Variants in C8orf34 observed in about 807,000 individuals in gnomAD.
The protein encoded by C8orf34 is uncharacterized protein C8orf34.
C8orf34 carries 65 observed loss-of-function variants against 68.3 expected under a neutral mutation model. That is an observed-to-expected ratio of 0.95 (90% CI 0.78 to 1.17). The LOEUF is 1.17. Ranked by LOEUF, C8orf34 falls within the 50% of genes most tolerant of loss-of-function variation. The pLI, the probability that C8orf34 is intolerant of heterozygous loss-of-function variation, is 0.00. For synonymous variants in C8orf34, 244 were observed against 241.2 expected, an observed-to-expected ratio of 1.01 and a Z score of -0.11; for missense variants, 664 against 655.4, an observed-to-expected ratio of 1.01 and a Z score of -0.14.
At position 68,580,574 on chromosome 8, in the gene C8orf34, G is replaced by A. The variant is rs116881037; in HGVS notation, c.1105+47425G>A. ...GTGTTCTAGCTGTAACAAGTAGATT[G>A]CAGTAGAGGACGGAGGTCATAAGAC... On this transcript the variant is annotated intron_variant, in intron 7 of 13. Coordinates refer to ENST00000518698, the MANE Select transcript of C8orf34 (RefSeq NM_052958.4). Among the ~76,000 whole-genome samples, 565 of 152,228 alleles carry A rather than the reference G, an allele frequency of 3.7e-3. 23 individuals carry two copies. In the East Asian group the frequency reaches 0.074, roughly 20 times the overall value.
At chr8:68,582,569 G>C (rs1267320422) in intron 7 of C8orf34, among the ~76,000 whole-genome samples, 1 of 152,060 alleles carries the variant, frequency 6.6e-6, no homozygotes, top group Non-Finnish European at 1.5e-5. Context: ...TGAGGGGTGA[G>C]AGGCAGAAAG....
chr8:68,366,907 T>C, intron 1 of C8orf34, among the ~76,000 whole-genome samples: 1 of 112,106 alleles, frequency 8.9e-6, no homozygotes, highest in African/African-American at 3.6e-5. Flanking sequence ...TGGGATCTAA[T>C]TAAACTAAAG....
At chr8:68,682,139 T>TACTGTAGTACTGCTGTAG (rs1435880786) in intron 8 of C8orf34, among the ~76,000 whole-genome samples, 3 of 152,142 alleles carry the variant, frequency 2.0e-5, no homozygotes, top group Non-Finnish European at 4.4e-5. Flanking sequence ...TAGTCTGTAG[T>TACTGTAGTACTGCTGTAG]ACTGTAGTAC....
At chr8:68,386,976 G>T (rs1808288447) in intron 1 of C8orf34, among the ~76,000 whole-genome samples, 1 of 151,958 alleles carries the variant, frequency 6.6e-6, no homozygotes, top group African/African-American at 2.4e-5. Context: ...TTAGGGAAAG[G>T]CATTAAGTTT....
rs112817779 is a variant in C8orf34, at chr8:68,712,278, G to GA, written c.1327+3207dup. On this transcript the variant is annotated intron_variant, in intron 9 of 13. Coordinates refer to ENST00000518698, the MANE Select transcript of C8orf34 (RefSeq NM_052958.4). ...AGGACCTGTATAACAATAACACAAT[G>GA]AAAAAAAACTTGGGTATTCAGGCAA... 4.0e-3 allele frequency among the ~76,000 whole-genome samples: 611 copies of GA among 151,576 alleles called. 7 individuals are homozygous for GA. Among genetic ancestry groups the GA allele is most frequent in the African/African-American group, 0.014 (576 of 41,408 alleles).
intron 1 of C8orf34, among the ~76,000 whole-genome samples, chr8:68,425,245 C>A (rs984584101): frequency 6.6e-6 from 1 of 152,230 alleles, no homozygotes; most frequent in Middle Eastern, 3.4e-3. Context: ...TTCACTCTAA[C>A]CATTGCTATT....
At chr8:68,638,638 AT>A (rs1032674407) in intron 7 of C8orf34, among the ~76,000 whole-genome samples, 3 of 150,910 alleles carry the variant, frequency 2.0e-5, no homozygotes, top group African/African-American at 4.9e-5. Context: ...AAAGTCATGT[AT>A]TTTTTTTTAA....
chr8:68,789,924 C>T (rs1823946231), intron 12 of C8orf34, among the ~76,000 whole-genome samples: 2 of 152,082 alleles, frequency 1.3e-5, no homozygotes, highest in Non-Finnish European at 2.9e-5. Context: ...CTCTTGTAAC[C>T]ATAGAACTAG....
intron 10 of C8orf34, among the ~76,000 whole-genome samples, chr8:68,771,726 A>G (rs1823343203): frequency 6.6e-6 from 1 of 152,154 alleles, no homozygotes; most frequent in South Asian, 2.1e-4. Context: ...CATCACATGT[A>G]TGCAGAGGCT....
chr8:68,679,020 G>T (rs1820282378), intron 8 of C8orf34, among the ~76,000 whole-genome samples: 1 of 152,056 alleles, frequency 6.6e-6, no homozygotes, highest in African/African-American at 2.4e-5. Context: ...CTACTAATAG[G>T]CCAGGCACGG....
At chr8:68,397,187 T>C (rs994238299) in intron 1 of C8orf34, among the ~76,000 whole-genome samples, 1 of 151,812 alleles carries the variant, frequency 6.6e-6, no homozygotes, top group Non-Finnish European at 1.5e-5. Flanking sequence ...TGTATTTTTA[T>C]TAGAGACAAG....
chr8:68,618,190 C>T (rs1450592251), intron 7 of C8orf34, among the ~76,000 whole-genome samples: 1 of 151,980 alleles, frequency 6.6e-6, no homozygotes, highest in East Asian at 1.9e-4. Context: ...AGTAAAATTG[C>T]AAAAGTAATG....
intron 7 of C8orf34, among the ~76,000 whole-genome samples, chr8:68,617,929 A>T (rs1818274740): frequency 6.6e-6 from 1 of 152,070 alleles, no homozygotes; most frequent in African/African-American, 2.4e-5. Flanking sequence ...CACCAATCAG[A>T]TGTAGATTTG....
intron 7 of C8orf34, among the ~76,000 whole-genome samples, chr8:68,624,766 G>A (rs920208866): frequency 6.6e-6 from 1 of 151,960 alleles, no homozygotes; most frequent in Admixed American, 6.6e-5. Context: ...TTTGAAACAG[G>A]GTTTCACTCT....
chr8:68,581,217 G>T (rs987709665), intron 7 of C8orf34, among the ~76,000 whole-genome samples: 2 of 152,112 alleles, frequency 1.3e-5, no homozygotes, highest in Non-Finnish European at 2.9e-5. Context: ...TAGTTGTGGA[G>T]AAGTATGATT....
chr8:68,498,369 A>G (rs543618779), intron 5 of C8orf34, among the ~76,000 whole-genome samples: 3 of 152,256 alleles, frequency 2.0e-5, no homozygotes, highest in Non-Finnish European at 2.9e-5. Flanking sequence ...ATCTTAAAAC[A>G]GTAATTTATT....
intron 1 of C8orf34, among the ~76,000 whole-genome samples, chr8:68,397,507 A>G (rs1221907367): frequency 6.6e-6 from 1 of 152,204 alleles, no homozygotes. Flanking sequence ...ATGAGTATAT[A>G]TAAATTTCTT....
intron 1 of C8orf34, among the ~76,000 whole-genome samples, chr8:68,406,442 T>C (rs934768824): frequency 6.6e-6 from 1 of 152,104 alleles, no homozygotes; most frequent in African/African-American, 2.4e-5. Context: ...CAGCTCACCC[T>C]GGACCGGTAG....
intron 3 of C8orf34, among the ~76,000 whole-genome samples, chr8:68,465,034 T>C (rs1309603256): frequency 6.6e-6 from 1 of 151,084 alleles, no homozygotes; most frequent in Non-Finnish European, 1.5e-5. Context: ...TGGGAGAAAA[T>C]TTTCGCAACC....
Sources: allele counts gnomAD v4.1 joint callset (sites outside exome capture counted in the v4.1 genomes callset), GRCh38; gene constraint gnomAD v4.1.1; transcripts MANE v1.5; gene names NCBI Gene and HGNC (gene_info 2026-07-23, HGNC 2026-07-21).